The following MACROD2 variants were observed in gnomAD, a reference collection of about 807,000 sequenced individuals.
MACROD2 encodes mono-ADP ribosylhydrolase 2, also known as ADP-ribose glycohydrolase MACROD2.
In MACROD2, 36 loss-of-function variants were observed where a neutral mutation model predicts 70.4. The observed-to-expected ratio is 0.51, with a 90% CI of 0.39 to 0.68. The LOEUF is 0.68. Ranked by LOEUF, MACROD2 falls within the 30% of genes least tolerant of loss-of-function variation. The pLI is 0.00. For missense variants in MACROD2, 496 were observed against 538.4 expected (o/e 0.92, Z 0.78); for synonymous variants, 172 against 178.8 (o/e 0.96, Z 0.30).
At chr20:15,772,171 T>C (rs938293301) in intron 8 of MACROD2, among the ~76,000 whole-genome samples, 1 of 148,488 alleles carries the variant, frequency 6.7e-6, no homozygotes, top group African/African-American at 2.5e-5. Context: ...TCCTGCCCCA[T>C]GCAGAGTTAA....
chr20:15,933,761 A>G (rs1262045422), intron 11 of MACROD2, among the ~76,000 whole-genome samples: 2 of 152,202 alleles, frequency 1.3e-5, no homozygotes, highest in African/African-American at 4.8e-5. Context: ...AGTGTATTGC[A>G]TTAAATTTTG....
In MACROD2 at chr20:15,768,035, CA is replaced by C. The variant is rs57723369; in HGVS notation, c.646-94700del. On this transcript the variant is annotated intron_variant, in intron 8 of 17. Transcript: ENST00000684519. ...AGAATTAGCATATTAGCATCAGTTG[CA>C]AAAAAAAAATAGGCAATAGAGAAAA... Among the ~76,000 whole-genome samples, 823 of 143,112 alleles carry C rather than the reference CA, an allele frequency of 5.8e-3. 4 individuals are homozygous for C. The highest frequency in any genetic ancestry group is 0.019 in the African/African-American group (761 of 39,076). 93.9% of individuals were successfully genotyped at this position (143,112 alleles called of 152,430 possible).
chr20:15,564,734 T>C (rs566430898), intron 8 of MACROD2, among the ~76,000 whole-genome samples: 1 of 152,334 alleles, frequency 6.6e-6, no homozygotes, highest in East Asian at 1.9e-4. Flanking sequence ...AGGCTGGTAA[T>C]ATGTTTACCA....
chr20:14,321,077 G>A (rs1406980128), intron 3 of MACROD2, among the ~76,000 whole-genome samples: 2 of 152,034 alleles, frequency 1.3e-5, no homozygotes, highest in South Asian at 2.1e-4. Flanking sequence ...TTATAAAAAA[G>A]AAGCCAGCTG....
chr20:14,970,839 A>T (rs946085372), intron 5 of MACROD2, among the ~76,000 whole-genome samples: 1 of 151,022 alleles, frequency 6.6e-6, no homozygotes, highest in Non-Finnish European at 1.5e-5. Flanking sequence ...CTAGTCTTGA[A>T]CTCCTATGCT....
intron 3 of MACROD2, among the ~76,000 whole-genome samples, chr20:14,485,566 T>G (rs993118851): frequency 2.5e-4 from 38 of 151,860 alleles, no homozygotes; most frequent in Admixed American, 2.0e-3. Context: ...CCGGGCGTGG[T>G]GGCAGGCACC....
chr20:15,692,407 G>C (rs562779864), intron 8 of MACROD2, among the ~76,000 whole-genome samples: 1 of 151,986 alleles, frequency 6.6e-6, no homozygotes, highest in Non-Finnish European at 1.5e-5. Flanking sequence ...CAATAGCTTT[G>C]AACTCTTGCT....
At chr20:16,032,986 A>ACTTATTTAGC (rs1272923469) in intron 15 of MACROD2, among the ~76,000 whole-genome samples, 1 of 152,102 alleles carries the variant, frequency 6.6e-6, no homozygotes, top group African/African-American at 2.4e-5. Context: ...ATTTTGCGTG[A>ACTTATTTAGC]CTGTGACTAA....
At chr20:15,101,851 T>C (rs1189648597) in intron 5 of MACROD2, among the ~76,000 whole-genome samples, 1 of 152,064 alleles carries the variant, frequency 6.6e-6, no homozygotes, top group Non-Finnish European at 1.5e-5. Context: ...TGAGGTTTAT[T>C]AGTCTTTGGT....
intron 5 of MACROD2, among the ~76,000 whole-genome samples, chr20:14,950,153 G>A (rs1212957782): frequency 6.6e-6 from 1 of 152,104 alleles, no homozygotes; most frequent in Non-Finnish European, 1.5e-5. Flanking sequence ...GTGGGGCCAG[G>A]TTGAAGAGAC....
At chr20:15,794,685 C>T (rs2063656576) in intron 8 of MACROD2, among the ~76,000 whole-genome samples, 2 of 152,194 alleles carry the variant, frequency 1.3e-5, no homozygotes, top group Admixed American at 6.5e-5. Context: ...CTCGGAATCA[C>T]GGTCAGGAGC....
At chr20:14,629,567 G>T (rs1006409176) in intron 4 of MACROD2, among the ~76,000 whole-genome samples, 8 of 152,308 alleles carry the variant, frequency 5.3e-5, no homozygotes, top group Admixed American at 4.6e-4. Context: ...TAATAAATGT[G>T]TAGAGTATTT....
In MACROD2 at chr20:15,104,597, C is replaced by T. The variant is rs142298181; in HGVS notation, c.419-125343C>T. Among the ~76,000 whole-genome samples the T allele has an allele frequency of 2.1e-3, 313 of 152,248 alleles. 1 individual carries two copies. The highest frequency in any genetic ancestry group is 7.1e-3 in the African/African-American group (295 of 41,550). ...GCAGGTAATTTGGACAGCCTTTGTG[C>T]TTGTCTGACTTCACTGGAATAGTCT... On this transcript the variant is annotated intron_variant, in intron 5 of 17. Coordinates refer to ENST00000684519, the MANE Select transcript of MACROD2 (RefSeq NM_001351661.2).
intron 3 of MACROD2, among the ~76,000 whole-genome samples, chr20:14,208,140 T>A (rs756068954): frequency 1.3e-4 from 20 of 152,134 alleles, no homozygotes; most frequent in Non-Finnish European, 2.1e-4. Context: ...TGATCCTGGA[T>A]GTAGTTGTTG....
rs903009964 is a variant in MACROD2, at chr20:15,710,597, G to A, written c.646-152148G>A. On this transcript the variant is annotated intron_variant, in intron 8 of 17. Coordinates refer to ENST00000684519, the MANE Select transcript of MACROD2 (RefSeq NM_001351661.2). The stretch of plus-strand genomic sequence containing the variant: ...TCTCTAACAGATGTGGGCATCAAGT[G>A]TTTATGGGCGTGAAAAAGGCTTTCC... Among the ~76,000 whole-genome samples the A allele has an allele frequency of 2.0e-5, 3 of 152,158 alleles. No individual in the cohort carries two copies. The South Asian group carries it at 6.2e-4, about 31-fold the overall frequency.
intron 3 of MACROD2, among the ~76,000 whole-genome samples, chr20:14,389,421 CAAA>C (rs4052956): frequency 2.2e-5 from 2 of 90,036 alleles, no homozygotes. Context: ...GACTTGGTCT[CAAA>C]AAAAAAAAAA....
At chr20:14,184,788 A>G (rs954846031) in intron 3 of MACROD2, among the ~76,000 whole-genome samples, 3 of 152,038 alleles carry the variant, frequency 2.0e-5, no homozygotes, top group Non-Finnish European at 4.4e-5. Context: ...TTTTGCAGCA[A>G]TTGTGGATAG....
intron 5 of MACROD2, among the ~76,000 whole-genome samples, chr20:14,910,056 C>A (rs1052518100): frequency 5.3e-5 from 8 of 152,164 alleles, no homozygotes; most frequent in Non-Finnish European, 1.2e-4. Flanking sequence ...TCACTGATCT[C>A]TTTTCTGTAC....
chr20:15,996,200 C>T (rs2066629776), intron 15 of MACROD2, among the ~76,000 whole-genome samples: 1 of 152,086 alleles, frequency 6.6e-6, no homozygotes, highest in Admixed American at 6.5e-5. Context: ...GAAACTCTCC[C>T]TAACAAGTGT....
Sources: gnomAD v4.1 joint callset for allele counts (sites outside exome capture counted in the v4.1 genomes callset) on GRCh38, gnomAD v4.1.1 for gene constraint, MANE v1.5 for transcripts, NCBI Gene and HGNC (gene_info 2026-07-23, HGNC 2026-07-21) for gene names.